The following ADARB1 variants were observed in gnomAD, a reference collection of about 807,000 sequenced individuals.
ADARB1 encodes double-stranded RNA-specific editase 1.
Under a neutral mutation model 52.4 loss-of-function variants are expected in ADARB1, and 10 were observed. The ratio of observed to expected loss-of-function variants is 0.19; its 90% CI spans 0.12 to 0.32. ADARB1 has a LOEUF of 0.32. Ranked by LOEUF, ADARB1 falls within the 10% of genes least tolerant of loss-of-function variation. The pLI is 1.00. For missense variants in ADARB1, 643 were observed against 922.3 expected, an observed-to-expected ratio of 0.70 and a Z score of 3.92; for synonymous variants, 349 against 371.1, an observed-to-expected ratio of 0.94 and a Z score of 0.68.
chr21:45,077,665 T>TAA (rs1294862430), intron 1 of ADARB1, among the ~76,000 whole-genome samples: 1 of 137,070 alleles, frequency 7.3e-6, no homozygotes. Flanking sequence ...AGACGCCGTC[T>TAA]AAAAAAAAAA....
At position 45,157,530 on chromosome 21, in the gene ADARB1, C is replaced by T. The variant is rs1371605685; in HGVS notation, c.-47-14080C>T. 6.6e-6 allele frequency among the ~76,000 whole-genome samples: 1 copy of T among 152,060 alleles called. No individual in the cohort carries two copies. The highest frequency in any genetic ancestry group is 6.6e-5 in the Admixed American group (1 of 15,256). On this transcript the variant is annotated intron_variant, in intron 2 of 10. Coordinates refer to ENST00000348831, the MANE Select transcript of ADARB1 (RefSeq NM_001112.4). This position sits in a 1 kb window ranked among gnomAD's most constrained non-coding sequence, Gnocchi z 4.1. Reference sequence around the variant, plus strand: ...AGGGCCCTGTGAAGGTTTGTGCTCTCGTGTGCCGGCTCTGACCTGTGATTT... The same window carrying T: ...AGGGCCCTGTGAAGGTTTGTGCTCTTGTGTGCCGGCTCTGACCTGTGATTT...
chr21:45,179,448 A>G lies in ADARB1; in HGVS notation c.964-882A>G, dbSNP rs571010794. On this transcript the variant is annotated intron_variant, in intron 4 of 10. Coordinates refer to ENST00000348831, the MANE Select transcript of ADARB1 (RefSeq NM_001112.4). ...TGTGAAATTGGTGGGACATGAGTTG[A>G]AACTGGCTCTTAACACCCACCTCCC... Among the ~76,000 whole-genome samples the G allele has an allele frequency of 2.1e-3, 315 of 152,358 alleles. 2 individuals carry two copies. The highest frequency in any genetic ancestry group is 3.3e-3 in the Non-Finnish European group (222 of 68,036).
intron 8 of ADARB1, among the ~76,000 whole-genome samples, chr21:45,193,555 A>C (rs572946971): frequency 1.3e-5 from 2 of 152,364 alleles, no homozygotes; most frequent in South Asian, 4.1e-4. Context: ...TAAGGTCCTA[A>C]GAAATCAGTG....
intron 1 of ADARB1, among the ~76,000 whole-genome samples, chr21:45,084,130 T>C (rs2086251584): frequency 6.6e-6 from 1 of 152,260 alleles, no homozygotes; most frequent in African/African-American, 2.4e-5. Context: ...ATGCCTCTGC[T>C]GCAGGCTCCT....
chr21:45,205,833 C>T (rs188724076), intron 9 of ADARB1, among the ~76,000 whole-genome samples: 17 of 152,158 alleles, frequency 1.1e-4, no homozygotes, highest in Admixed American at 1.0e-3. Context: ...ACCTGAAACA[C>T]GTTTATTTTG....
At chr21:45,102,468 G>A (rs1395283072) in intron 1 of ADARB1, among the ~76,000 whole-genome samples, 1 of 152,166 alleles carries the variant, frequency 6.6e-6, no homozygotes, top group African/African-American at 2.4e-5. Flanking sequence ...AAAAAATAGA[G>A]TGAGCATTCT....
intron 5 of ADARB1, 41 bp downstream of exon 5, chr21:45,180,485 T>C (rs1569129552): frequency 1.1e-5 from 17 of 1,502,450 alleles, no homozygotes; most frequent in Non-Finnish European, 1.6e-5. Context: ...CCTGTTTTCA[T>C]GTCTGACAAA....
rs189363613 is a variant in ADARB1, at chr21:45,222,418, G to T, written c.*221G>T. On this transcript the variant is annotated 3_prime_UTR_variant, in exon 11 of 11. Transcript: ENST00000348831. ...GGGTGCGTCAGGGCCCAGCATCGCC[G>T]CCTGGCATCTCTCTGCCGCAGCATT... The T allele has an allele frequency of 1.5e-6, 2 of 1,291,522 alleles. No homozygotes were observed. Among genetic ancestry groups the T allele is most frequent in the Non-Finnish European group, 9.8e-7 (1 of 1,024,428 alleles). The allele number at this position is 1,291,522 out of a possible 1,614,324, so 80.0% of individuals were successfully genotyped here.
chr21:45,186,180 A>G (rs1442604375), intron 8 of ADARB1, among the ~76,000 whole-genome samples: 2 of 152,250 alleles, frequency 1.3e-5, no homozygotes, highest in Non-Finnish European at 2.9e-5. Context: ...TAATTTACAG[A>G]AATGATACTA....
chr21:45,140,389 T>G (rs183522240), intron 2 of ADARB1, among the ~76,000 whole-genome samples: 3 of 152,352 alleles, frequency 2.0e-5, no homozygotes, highest in African/African-American at 7.2e-5. Flanking sequence ...TCAGATGGTT[T>G]GTATTCAGCA....
intron 8 of ADARB1, among the ~76,000 whole-genome samples, chr21:45,189,245 T>C (rs1287428996): frequency 6.6e-6 from 1 of 152,222 alleles, no homozygotes; most frequent in Non-Finnish European, 1.5e-5. Context: ...CATTTCTTTT[T>C]GTGTATATTC....
rs138605748 is a variant in ADARB1 at position 45,204,323 on chromosome 21, G to C, written c.1566-232G>C. 3.2e-4 allele frequency among the ~76,000 whole-genome samples: 48 copies of C among 152,268 alleles called. No homozygotes were observed. In the East Asian group the frequency reaches 8.9e-3, roughly 28 times the overall value. ...AAACATATGTGGCTCATTGATTGTGGGAAAACGTAATGGTAAAAACAAACA... is the reference window on the plus strand; with the variant it reads ...AAACATATGTGGCTCATTGATTGTGCGAAAACGTAATGGTAAAAACAAACA... On this transcript the variant is annotated intron_variant, in intron 8 of 10. Coordinates refer to ENST00000348831, the MANE Select transcript of ADARB1 (RefSeq NM_001112.4). The surrounding 1 kb of genome is among the most constrained non-coding windows in gnomAD (Gnocchi z 4.4).
rs143615013 is a variant in ADARB1, at chr21:45,146,683, C to T, written c.-48+18110C>T. 6.0e-4 allele frequency among the ~76,000 whole-genome samples: 92 copies of T among 152,306 alleles called. No homozygotes were observed. The Middle Eastern group carries it at 0.02, about 34-fold the overall frequency. On this transcript the variant is annotated intron_variant, in intron 2 of 10. Coordinates refer to ENST00000348831, the MANE Select transcript of ADARB1 (RefSeq NM_001112.4). ...AGGCAGAGAGTTGGACTTTTGAAAACGTGAGTGTGTCCAGCAACCAGGCAG... is the reference window on the plus strand; with the variant it reads ...AGGCAGAGAGTTGGACTTTTGAAAATGTGAGTGTGTCCAGCAACCAGGCAG...
Position 45,082,701 on chromosome 21 carries a change from A to G in ADARB1, c.-220+7908A>G, listed in dbSNP as rs565704293. On this transcript the variant is annotated intron_variant, in intron 1 of 10. Coordinates refer to ENST00000348831, the MANE Select transcript of ADARB1 (RefSeq NM_001112.4). Reference sequence around the variant, plus strand: ...TGTCAGACATGGTAAAGTGAGTTTAATCTAGTTTAATCCTCATGATGATCT... The same window carrying G: ...TGTCAGACATGGTAAAGTGAGTTTAGTCTAGTTTAATCCTCATGATGATCT... 1.4e-4 allele frequency among the ~76,000 whole-genome samples: 21 copies of G among 152,316 alleles called. No individual in the cohort carries two copies. In the South Asian group the frequency reaches 4.1e-3, roughly 30 times the overall value.
intron 8 of ADARB1, among the ~76,000 whole-genome samples, chr21:45,189,973 G>A (rs1285806378): frequency 6.6e-6 from 1 of 151,870 alleles, no homozygotes; most frequent in Non-Finnish European, 1.5e-5. Context: ...GAACTTGTAT[G>A]GTCCATTTTT....
rs1213364787 is a variant in ADARB1, at chr21:45,224,668, AGCCCTG to A, written c.*2473_*2478del. 1.4e-5 allele frequency: 12 copies of A among 840,172 alleles called. No individual in the cohort carries two copies. The African/African-American group carries it at 4.8e-4, about 34-fold the overall frequency. The allele number at this position is 840,172 out of a possible 1,614,324, so 52.0% of individuals were successfully genotyped here. A position where few individuals can be genotyped will look rare whatever the true frequency, so the allele number is the denominator to read the frequency against. On this transcript the variant is annotated 3_prime_UTR_variant, in exon 11 of 11. Transcript: ENST00000348831. Reference sequence around the variant, plus strand: ...CTGTCAGGGGGAACTGGGTTCCGGGAGCCCTGGGCCGGGGCAGGGGGCGGCTGTAGG... The same window carrying A: ...CTGTCAGGGGGAACTGGGTTCCGGGAGGCCGGGGCAGGGGGCGGCTGTAGG...
chr21:45,110,012 C>T (rs1159635605), intron 1 of ADARB1, among the ~76,000 whole-genome samples: 2 of 152,194 alleles, frequency 1.3e-5, no homozygotes, highest in Admixed American at 6.5e-5. Context: ...CTATTTTTAC[C>T]TCACAGTCCT....
intron 8 of ADARB1, among the ~76,000 whole-genome samples, chr21:45,203,236 G>T (rs2092598075): frequency 6.6e-6 from 1 of 152,110 alleles, no homozygotes; most frequent in Non-Finnish European, 1.5e-5. Context: ...CTGCTGTCCT[G>T]TGTCCCCTGC....
At chr21:45,104,132 A>T (rs922144632) in intron 1 of ADARB1, among the ~76,000 whole-genome samples, 1 of 152,156 alleles carries the variant, frequency 6.6e-6, no homozygotes, top group African/African-American at 2.4e-5. Flanking sequence ...TGTTCCCTTC[A>T]GCGGGGTAGG....
Sources: gnomAD v4.1 joint callset for allele counts (sites outside exome capture counted in the v4.1 genomes callset) on GRCh38, gnomAD v4.1.1 for gene constraint, Gnocchi (gnomAD v3.1) non-coding constraint, MANE v1.5 for transcripts, NCBI Gene and HGNC (gene_info 2026-07-23, HGNC 2026-07-21) for gene names.